Variants in ZNF556 observed in about 807,000 individuals in gnomAD.
ZNF556 encodes zinc finger protein 556.
Under a neutral mutation model 13.6 loss-of-function variants are expected in ZNF556, and 11 were observed. The observed-to-expected ratio is 0.81, with a 90% confidence interval of 0.51 to 1.33. ZNF556 has a LOEUF of 1.33. Among genes scored for constraint, ZNF556 ranks in the 40% most tolerant of loss-of-function variants. ZNF556 has a pLI of 0.00. For missense variants in ZNF556, 633 were observed against 566.2 expected (o/e 1.12, Z -1.20); for synonymous variants, 229 against 207.8 (o/e 1.10, Z -0.88).
At chr19:2,871,130 C>T (rs2087799742) in intron 1 of ZNF556, among the ~76,000 whole-genome samples, 1 of 151,590 alleles carries the variant, frequency 6.6e-6, no homozygotes, top group African/African-American at 2.4e-5. Context: ...CGCCACTGCA[C>T]TCCAGCCTGG....
chr19:2,877,996 C>A lies in ZNF556; in HGVS notation c.1038C>A (p.Gly346=), dbSNP rs1039362323. The change falls in exon 4 of 4, where the codon GGC becomes GGA. Residue 346 remains glycine (G), a synonymous_variant. Coordinates refer to ENST00000307635, the MANE Select transcript of ZNF556 (RefSeq NM_024967.3). ...CTAAAAAGAAACCTGTGAGTGGGGG[C>A]AGCGTGGGAAAGTCTTCCGCGAGGC... ...THAKKKPVSG[G]SVGKSSARPR... is the part of the protein sequence containing the mutation. 6.2e-7 allele frequency: 1 copy of A among 1,614,120 alleles called. No homozygotes were observed. The highest frequency in any genetic ancestry group is 8.5e-7 in the Non-Finnish European group (1 of 1,180,002).
rs73519552 is a variant in ZNF556 at position 2,875,605 on chromosome 19, G to A, written c.131-488G>A. The A allele has an allele frequency of 7.4e-3, 1,146 of 155,036 alleles. 11 individuals are homozygous for A. The highest frequency in any genetic ancestry group is 0.026 in the African/African-American group (1,090 of 41,542). 9.6% of individuals were successfully genotyped at this position (155,036 alleles called of 1,614,324 possible). A position where few individuals can be genotyped will look rare whatever the true frequency, so the allele number is the denominator to read the frequency against. On this transcript the variant is annotated intron_variant, in intron 2 of 3. Coordinates refer to ENST00000307635, the MANE Select transcript of ZNF556 (RefSeq NM_024967.3). ...ACCTTCCAGACACATTTTCTTTTGG[G>A]AGTCGTGTTCCCTGCAGGCCTCCAC... is the stretch of plus-strand genomic sequence containing the variant.
In ZNF556 at chr19:2,867,401, G is replaced by T; in HGVS notation, c.-21G>T. 1.3e-6 allele frequency: 2 copies of T among 1,581,814 alleles called. No homozygotes were observed. The highest frequency in any genetic ancestry group is 1.7e-6 in the Non-Finnish European group (2 of 1,165,074). On this transcript the variant is annotated 5_prime_UTR_variant, in exon 1 of 4. Transcript: ENST00000307635. ...TGCGAGGAGCAGGGAGCTCCTCAAA[G>T]AGCTCAGGAACGGACAGGACATGGT...
chr19:2,873,994 C>T (rs764615861), intron 2 of ZNF556, among the ~76,000 whole-genome samples: 2 of 151,358 alleles, frequency 1.3e-5, no homozygotes, highest in African/African-American at 2.4e-5. Context: ...CGGTGGCTCA[C>T]GCCTGTCATC....
intron 3 of ZNF556, 82 bp from the exon 4 acceptor site, chr19:2,877,191 C>G: frequency 8.3e-7 from 1 of 1,208,970 alleles, no homozygotes; most frequent in Non-Finnish European, 1.1e-6. Flanking sequence ...GCCTGGGGAA[C>G]AAGAGCAAAA....
Position 2,877,999 on chromosome 19 carries a change from C to A in ZNF556, c.1041C>A (p.Ser347Arg). Residue 347 changes from serine to arginine, a missense_variant, in exon 4 of 4, where the codon AGC becomes AGA. Physicochemically the swap from Ser to Arg is moderately radical, Grantham distance 110. Coordinates refer to ENST00000307635, the MANE Select transcript of ZNF556 (RefSeq NM_024967.3). ...HAKKKPVSGG[S>R]VGKSSARPRP... ...AAAAGAAACCTGTGAGTGGGGGCAG[C>A]GTGGGAAAGTCTTCCGCGAGGCCTC... The A allele has an allele frequency of 1.2e-6, 2 of 1,613,920 alleles. No individual in the cohort carries two copies. The highest frequency in any genetic ancestry group is 1.7e-6 in the Non-Finnish European group (2 of 1,179,948).
In ZNF556 at chr19:2,880,799, A is replaced by T. The variant is rs1169037643; in HGVS notation, c.*2470A>T. The T allele has an allele frequency of 6.6e-6, 1 of 151,940 alleles. No homozygotes were observed. Among genetic ancestry groups the T allele is most frequent in the African/African-American group, 2.4e-5 (1 of 41,362 alleles). The allele number at this position is 151,940 out of a possible 1,614,324, so 9.4% of individuals were successfully genotyped here. A position where few individuals can be genotyped will look rare whatever the true frequency, so the allele number is the denominator to read the frequency against. On this transcript the variant is annotated 3_prime_UTR_variant, in exon 4 of 4. Transcript: ENST00000307635. Reference sequence around the variant, plus strand: ...TATACTTCTGAATTAATATTACCAGATGCATTCAGATTTAGACATTTTCTT... The same window carrying T: ...TATACTTCTGAATTAATATTACCAGTTGCATTCAGATTTAGACATTTTCTT...
chr19:2,877,556 G>T lies in ZNF556; in HGVS notation c.598G>T (p.Glu200Ter). The T allele has an allele frequency of 6.2e-7, 1 of 1,614,178 alleles. No individual in the cohort carries two copies. Among genetic ancestry groups the T allele is most frequent in the South Asian group, 1.1e-5 (1 of 91,080 alleles). The change falls in exon 4 of 4, where the codon GAG becomes TAG. Residue 200 changes from glutamate (E) to a stop codon, truncating the protein, a stop_gained. Transcript: ENST00000307635. LOFTEE classifies it low-confidence loss of function (END_TRUNC). ...LQTHEKTHSG[E>*]KPYACQSCGK... is the part of the protein sequence containing the mutation. ...GACGCATGAGAAAACTCACAGTGGAGAGAAACCCTATGCCTGTCAATCTTG... is the reference window on the plus strand; with the variant it reads ...GACGCATGAGAAAACTCACAGTGGATAGAAACCCTATGCCTGTCAATCTTG...
Position 2,877,408 on chromosome 19 carries a change from T to A in ZNF556, c.450T>A (p.Ser150Arg). Residue 150 changes from serine (S) to arginine (R), a missense_variant, in exon 4 of 4, where the codon AGT (serine) becomes AGA (arginine). By Grantham distance (110) the Ser-to-Arg change is moderately radical. Coordinates refer to ENST00000307635, the MANE Select transcript of ZNF556 (RefSeq NM_024967.3). ...CTAGTGTAAGACGGTACGAATGCAG[T>A]CAGTGTGGAAAACTCTTCACCCATT... is the stretch of plus-strand genomic sequence containing the variant. ...CCTSVRRYECSQCGKLFTHSS... is the reference protein window; with the variant it reads ...CCTSVRRYECRQCGKLFTHSS... The A allele has an allele frequency of 1.2e-6, 2 of 1,614,102 alleles. No individual in the cohort carries two copies. Among genetic ancestry groups the A allele is most frequent in the South Asian group, 2.2e-5 (2 of 91,080 alleles).
rs766530778 is a variant in ZNF556 at position 2,873,519 on chromosome 19, G to A, written c.27G>A (p.Val9=). Residue 9 remains valine (V), a synonymous_variant, in exon 2 of 4, where the codon GTG becomes GTA. Transcript: ENST00000307635. The part of the protein sequence containing the change: MDTVVFED[V]VVDFTLEEWA... ...AGGACACAGTGGTCTTTGAAGACGT[G>A]GTTGTGGATTTCACGCTGGAGGAGT... 9.3e-6 allele frequency: 15 copies of A among 1,614,048 alleles called. No individual in the cohort carries two copies. Among genetic ancestry groups the A allele is most frequent in the East Asian group, 8.9e-5 (4 of 44,898 alleles).
In ZNF556 at chr19:2,882,639, C is replaced by T. The variant is rs1362712970; in HGVS notation, c.*4310C>T. 6.6e-6 allele frequency: 1 copy of T among 151,692 alleles called. No individual in the cohort carries two copies. The highest frequency in any genetic ancestry group is 1.5e-5 in the Non-Finnish European group (1 of 68,218). 9.4% of individuals were successfully genotyped at this position (151,692 alleles called of 1,614,324 possible). On this transcript the variant is annotated 3_prime_UTR_variant, in exon 4 of 4. Coordinates refer to ENST00000307635, the MANE Select transcript of ZNF556 (RefSeq NM_024967.3). ...GTGCGATCTCAGCTCACTGCAACCTCCACCTCCCAGGTTCAAGCGATTCTC... is the reference window on the plus strand; with the variant it reads ...GTGCGATCTCAGCTCACTGCAACCTTCACCTCCCAGGTTCAAGCGATTCTC...
chr19:2,868,056 A>G (rs2087772243), intron 1 of ZNF556, among the ~76,000 whole-genome samples: 1 of 152,246 alleles, frequency 6.6e-6, no homozygotes, highest in Non-Finnish European at 1.5e-5. Context: ...AGAAAAAAAT[A>G]AAGTTCTCGT....
At chr19:2,874,067 G>A (rs180826415) in intron 2 of ZNF556, among the ~76,000 whole-genome samples, 172 of 151,728 alleles carry the variant, frequency 1.1e-3, no homozygotes, top group Middle Eastern at 6.9e-3. Flanking sequence ...GACCAGCCTG[G>A]GCAACACGGT....
chr19:2,878,503 TAAAA>T lies in ZNF556; in HGVS notation c.*185_*188del. The T allele has an allele frequency of 7.4e-6, 3 of 405,254 alleles. No individual in the cohort carries two copies. The highest frequency in any genetic ancestry group is 1.3e-5 in the Non-Finnish European group (3 of 234,938). The allele number at this position is 405,254 out of a possible 1,614,324, so 25.1% of individuals were successfully genotyped here. A position where few individuals can be genotyped will look rare whatever the true frequency, so the allele number is the denominator to read the frequency against. On this transcript the variant is annotated 3_prime_UTR_variant, in exon 4 of 4. Transcript: ENST00000307635. ...GGCTATGGTGAAACCCCGTCTCTACTAAAAAAAAAAAAAATACAAAAAATTAGCC... is the reference window on the plus strand; with the variant it reads ...GGCTATGGTGAAACCCCGTCTCTACTAAAAAAAAAATACAAAAAATTAGCC...
Position 2,882,527 on chromosome 19 carries a change from A to AGTGTGTGTGTG in ZNF556, c.*4198_*4199insGTGTGTGTGTG, listed in dbSNP as rs1174992945. The AGTGTGTGTGTG allele has an allele frequency of 1.0e-5, 1 of 97,152 alleles. No individual in the cohort carries two copies. The highest frequency in any genetic ancestry group is 4.0e-5 in the African/African-American group (1 of 25,074). 6.0% of individuals were successfully genotyped at this position (97,152 alleles called of 1,614,324 possible). On this transcript the variant is annotated 3_prime_UTR_variant, in exon 4 of 4. Coordinates refer to ENST00000307635, the MANE Select transcript of ZNF556 (RefSeq NM_024967.3). ...ATGTATACATTTTATATATATATAT[A>AGTGTGTGTGTG]TATAGTGTGTGTGTGTGTGTGTGTG...
At position 2,877,574 on chromosome 19, in the gene ZNF556, C is replaced by A. The variant is rs777572075; in HGVS notation, c.616C>A (p.Gln206Lys). The A allele has an allele frequency of 6.2e-7, 1 of 1,614,132 alleles. No individual in the cohort carries two copies. Among genetic ancestry groups the A allele is most frequent in the East Asian group, 2.2e-5 (1 of 44,876 alleles). The change falls in exon 4 of 4, where the codon CAA (glutamine) becomes AAA (lysine). Residue 206 changes from glutamine (Q) to lysine (K), a missense_variant. Coordinates refer to ENST00000307635, the MANE Select transcript of ZNF556 (RefSeq NM_024967.3). ...THSGEKPYACQSCGKTFLRSH... is the reference protein window; with the variant it reads ...THSGEKPYACKSCGKTFLRSH... The stretch of plus-strand genomic sequence containing the variant: ...CAGTGGAGAGAAACCCTATGCCTGT[C>A]AATCTTGCGGGAAGACATTTCTTCG...
chr19:2,873,250 C>G (rs1319636832), intron 1 of ZNF556, among the ~76,000 whole-genome samples: 1 of 152,106 alleles, frequency 6.6e-6, no homozygotes, highest in Non-Finnish European at 1.5e-5. Flanking sequence ...CAGTCATTTC[C>G]CAGTGTATAT....
Position 2,879,891 on chromosome 19 carries a change from G to A in ZNF556, c.*1562G>A, listed in dbSNP as rs1376350730. The A allele has an allele frequency of 1.3e-5, 2 of 152,094 alleles. No homozygotes were observed. Among genetic ancestry groups the A allele is most frequent in the East Asian group, 3.9e-4 (2 of 5,108 alleles). The allele number at this position is 152,094 out of a possible 1,614,324, so 9.4% of individuals were successfully genotyped here. ...TAAAAATACAAAAAATTAGCCAGGT[G>A]TGGTGGCGGGCGCCTGTAGTCCCAG... On this transcript the variant is annotated 3_prime_UTR_variant, in exon 4 of 4. Transcript: ENST00000307635.
intron 1 of ZNF556, among the ~76,000 whole-genome samples, chr19:2,868,787 C>G (rs1387122683): frequency 6.6e-6 from 1 of 151,020 alleles, no homozygotes; most frequent in Non-Finnish European, 1.5e-5. Context: ...GGCGCGATCT[C>G]TGCTTACTGC....
Sources: gnomAD v4.1 joint callset for allele counts (sites outside exome capture counted in the v4.1 genomes callset) on GRCh38, gnomAD v4.1.1 for gene constraint, MANE v1.5 for transcripts, NCBI Gene and HGNC (gene_info 2026-07-23, HGNC 2026-07-21) for gene names.